Variants in FTO observed in about 807,000 individuals in gnomAD.
FTO encodes alpha-ketoglutarate-dependent dioxygenase FTO.
FTO carries 47 observed loss-of-function variants against 63.9 expected under a neutral mutation model. The ratio of observed to expected loss-of-function variants is 0.74; its 90% CI spans 0.58 to 0.94. The LOEUF (loss-of-function observed/expected upper bound fraction) is 0.94, where lower values mean the gene tolerates loss of function less well. Ranked by LOEUF, FTO falls within the 40% of genes least tolerant of loss-of-function variation. The probability of loss-of-function intolerance (pLI) is 0.00; values close to 1 mark genes in which losing one functional copy is unlikely to be tolerated. For missense variants in FTO, 562 were observed against 618.1 expected (o/e 0.91, Z 0.96); for synonymous variants, 207 against 224.4 (o/e 0.92, Z 0.69).
chr16:53,984,672 G>T (rs2083625416), intron 8 of FTO, among the ~76,000 whole-genome samples: 1 of 152,050 alleles, frequency 6.6e-6, no homozygotes, highest in African/African-American at 2.4e-5. Context: ...TATTCACATT[G>T]CCTTTCCCAG....
At chr16:53,897,566 A>C (rs1424854058) in intron 7 of FTO, among the ~76,000 whole-genome samples, 1 of 152,194 alleles carries the variant, frequency 6.6e-6, no homozygotes, top group Non-Finnish European at 1.5e-5. Context: ...GATGTTCTTT[A>C]ACAGATGTTG....
chr16:53,819,201 A>G (rs551784264), intron 2 of FTO, among the ~76,000 whole-genome samples: 97 of 149,266 alleles, frequency 6.5e-4, no homozygotes, highest in Non-Finnish European at 9.0e-4. Flanking sequence ...TTATTTATCT[A>G]TCTTTGAAAT....
intron 1 of FTO, among the ~76,000 whole-genome samples, chr16:53,763,226 C>T (rs536293608): frequency 2.4e-4 from 37 of 151,850 alleles, no homozygotes; most frequent in Non-Finnish European, 4.4e-4. Flanking sequence ...TGTTTTGCCC[C>T]TGTGCCCAGT....
chr16:53,893,116 T>G (rs1031205427), intron 7 of FTO, among the ~76,000 whole-genome samples: 1 of 152,184 alleles, frequency 6.6e-6, no homozygotes, highest in African/African-American at 2.4e-5. Flanking sequence ...GACATTCTGA[T>G]AAAATATCAC....
chr16:53,718,511 C>CT (rs200167980), intron 1 of FTO, among the ~76,000 whole-genome samples: 26 of 151,126 alleles, frequency 1.7e-4, no homozygotes, highest in African/African-American at 5.6e-4. Context: ...CTCTCCTCTC[C>CT]TTTTTTTTTC....
intron 8 of FTO, among the ~76,000 whole-genome samples, chr16:54,030,275 C>T (rs2084797936): frequency 6.6e-6 from 1 of 152,168 alleles, no homozygotes; most frequent in African/African-American, 2.4e-5. Flanking sequence ...TTGCCTGAAA[C>T]GTTAAGAACA....
intron 6 of FTO, among the ~76,000 whole-genome samples, chr16:53,881,649 G>A (rs763714417): frequency 3.9e-5 from 6 of 152,186 alleles, no homozygotes; most frequent in Non-Finnish European, 7.4e-5. Flanking sequence ...AGCAGGTCTG[G>A]ATCCCATGGG....
chr16:53,896,460 C>G (rs2081281778), intron 7 of FTO, among the ~76,000 whole-genome samples: 1 of 151,960 alleles, frequency 6.6e-6, no homozygotes, highest in Non-Finnish European at 1.5e-5. Context: ...TAATAATAAT[C>G]ACCAGACCTA....
rs1291953454 is a variant in FTO, at chr16:54,076,522, G to A, written c.1365-35240G>A. On this transcript the variant is annotated intron_variant, in intron 8 of 8. Coordinates refer to ENST00000471389, the MANE Select transcript of FTO (RefSeq NM_001080432.3). ...ACTGATCTATACCCCCGTTGAAACT[G>A]TCTGTGACAGTCAGTGTCTTTTGCG... Among the ~76,000 whole-genome samples, 7 of 152,294 alleles carry A rather than the reference G, an allele frequency of 4.6e-5. No individual in the cohort carries two copies. In the East Asian group the frequency reaches 1.4e-3, roughly 29 times the overall value.
chr16:53,768,298 T>C (rs1433520732), intron 1 of FTO, among the ~76,000 whole-genome samples: 1 of 152,262 alleles, frequency 6.6e-6, no homozygotes, highest in Non-Finnish European at 1.5e-5. Flanking sequence ...TCTTTTTGGT[T>C]AGCTGCCAGA....
intron 8 of FTO, among the ~76,000 whole-genome samples, chr16:53,947,491 A>C (rs1327034064): frequency 6.6e-6 from 1 of 152,164 alleles, no homozygotes; most frequent in Non-Finnish European, 1.5e-5. Flanking sequence ...TAGTGGCAGC[A>C]CTTCCCAGCC....
chr16:53,851,285 TAAAAAAA>T (rs571720201), intron 4 of FTO, among the ~76,000 whole-genome samples: 5 of 103,300 alleles, frequency 4.8e-5, no homozygotes, highest in Non-Finnish European at 6.2e-5. Flanking sequence ...CCACCTCTAC[TAAAAAAA>T]AAAAAAAAAA....
At chr16:53,818,075 T>G (rs1387865963) in intron 2 of FTO, among the ~76,000 whole-genome samples, 1 of 152,198 alleles carries the variant, frequency 6.6e-6, no homozygotes, top group Admixed American at 6.5e-5. Context: ...ATGTTCTACA[T>G]GTACCTGTCC....
intron 3 of FTO, among the ~76,000 whole-genome samples, chr16:53,832,499 C>T (rs1598774092): frequency 1.3e-5 from 2 of 152,084 alleles, no homozygotes; most frequent in Non-Finnish European, 2.9e-5. Context: ...CTGAAGAGAT[C>T]CTCCTTGCTC....
At chr16:54,012,370 AGAG>A (rs2084351150) in intron 8 of FTO, among the ~76,000 whole-genome samples, 1 of 152,244 alleles carries the variant, frequency 6.6e-6, no homozygotes, top group Non-Finnish European at 1.5e-5. Flanking sequence ...GAAAGGTAGC[AGAG>A]GATGGTTCAT....
intron 4 of FTO, among the ~76,000 whole-genome samples, chr16:53,872,419 T>C (rs1247223881): frequency 6.6e-6 from 1 of 152,220 alleles, no homozygotes. Flanking sequence ...CTCCAGTCTT[T>C]GTCTTCTCAA....
At chr16:54,111,612 C>A (rs1353600955) in intron 8 of FTO, 150 bp from the exon 9 acceptor site, 40 of 817,822 alleles carry the variant, frequency 4.9e-5, no homozygotes, top group Non-Finnish European at 7.5e-5. Flanking sequence ...CACCTGCGTT[C>A]CACCTGTAGA....
intron 8 of FTO, among the ~76,000 whole-genome samples, chr16:54,081,071 A>AT (rs1173824629): frequency 1.6e-4 from 24 of 152,004 alleles, no homozygotes; most frequent in South Asian, 1.0e-3. Context: ...AGGAGTTGGG[A>AT]TTTTTTTTCC....
At chr16:54,023,298 G>C (rs931215016) in intron 8 of FTO, among the ~76,000 whole-genome samples, 4 of 152,180 alleles carry the variant, frequency 2.6e-5, no homozygotes, top group Non-Finnish European at 5.9e-5. Context: ...AAGCAAGAAA[G>C]GGAGATCTCC....
Sources: gnomAD v4.1 joint callset for allele counts (sites outside exome capture counted in the v4.1 genomes callset) on GRCh38, gnomAD v4.1.1 for gene constraint, MANE v1.5 for transcripts, NCBI Gene and HGNC (gene_info 2026-07-23, HGNC 2026-07-21) for gene names.